Variants in BLTP2 observed in about 807,000 individuals in gnomAD.
BLTP2 encodes U937-associated antigen.
the BLTP2 span, among the ~76,000 whole-genome samples, chr17:28,632,730 C>A: frequency 6.6e-6 from 1 of 152,194 alleles, no homozygotes; most frequent in Non-Finnish European, 1.5e-5. Context: ...TTATAAGCTA[C>A]CAAACTTGTG....
At chr17:28,633,981 C>G in the BLTP2 span, 1 of 1,614,150 alleles carries the variant, frequency 6.2e-7, no homozygotes, top group African/African-American at 1.3e-5. Flanking sequence ...CAAGATCTGA[C>G]GCCGACGGGA....
the BLTP2 span, chr17:28,639,374 G>A: frequency 6.2e-7 from 1 of 1,614,024 alleles, no homozygotes; most frequent in East Asian, 2.2e-5. Context: ...GTGCTAGCAG[G>A]TGCAGCCAGT....
the BLTP2 span, chr17:28,643,679 A>C: frequency 6.2e-7 from 1 of 1,613,212 alleles, no homozygotes; most frequent in Non-Finnish European, 8.5e-7. Context: ...TGAGGGAGAA[A>C]GCTCTGTGTG....
chr17:28,634,399 T>C, the BLTP2 span: 1 of 519,890 alleles, frequency 1.9e-6, no homozygotes, highest in Non-Finnish European at 3.5e-6. Context: ...CCCATCCCAC[T>C]CCACCCACCC....
the BLTP2 span, among the ~76,000 whole-genome samples, chr17:28,636,584 T>C: frequency 6.6e-6 from 1 of 152,216 alleles, no homozygotes; most frequent in African/African-American, 2.4e-5. Context: ...AAGAAGTTGG[T>C]CATGAATTGG....
At chr17:28,644,215 G>A in the BLTP2 span, 2 of 1,607,630 alleles carry the variant, frequency 1.2e-6, no homozygotes, top group Non-Finnish European at 1.7e-6. Context: ...TTAATTCATA[G>A]GACCTTTTTC....
the BLTP2 span, chr17:28,624,127 A>G: frequency 1.4e-6 from 2 of 1,444,810 alleles, no homozygotes; most frequent in Non-Finnish European, 1.9e-6. Flanking sequence ...GAGAAGGCCA[A>G]ATTTTTTGGA....
chr17:28,617,083 G>A, the BLTP2 span: 7 of 1,189,240 alleles, frequency 5.9e-6, no homozygotes, highest in East Asian at 2.5e-5. Context: ...AGAATGAGAG[G>A]AGAAGCAATG....
chr17:28,638,346 C>T, the BLTP2 span: 17 of 1,613,934 alleles, frequency 1.1e-5, no homozygotes, highest in East Asian at 2.2e-5. Flanking sequence ...ACTGCCCACA[C>T]GCCAGCAGAG....
chr17:28,629,385 G>A, the BLTP2 span, among the ~76,000 whole-genome samples: 145 of 152,078 alleles, frequency 9.5e-4, no homozygotes, highest in Middle Eastern at 3.4e-3. Flanking sequence ...CTGCCTCCCA[G>A]GTTCAAGCGA....
At chr17:28,642,868 C>A in the BLTP2 span, 6 of 1,552,604 alleles carry the variant, frequency 3.9e-6, no homozygotes, top group Non-Finnish European at 5.3e-6. Flanking sequence ...CCAGTGCTTA[C>A]CTTTTCCCAT....
At chr17:28,615,849 C>T in the BLTP2 span, 1 of 1,598,180 alleles carries the variant, frequency 6.3e-7, no homozygotes, top group Non-Finnish European at 8.6e-7. Context: ...GGGAATACAT[C>T]AGCTGCCATT....
At chr17:28,628,313 C>T in the BLTP2 span, 2 of 1,614,168 alleles carry the variant, frequency 1.2e-6, no homozygotes, top group South Asian at 1.1e-5. Context: ...GGAGTGTTAA[C>T]ACGAGGTGGG....
At chr17:28,642,171 A>C in the BLTP2 span, 4 of 1,574,966 alleles carry the variant, frequency 2.5e-6, no homozygotes, top group South Asian at 1.1e-5. Context: ...TACTGACTTG[A>C]GGGAACCCCC....
At chr17:28,628,434 C>T in the BLTP2 span, 1 of 1,614,166 alleles carries the variant, frequency 6.2e-7, no homozygotes, top group Non-Finnish European at 8.5e-7. Context: ...GTACAGCTGC[C>T]TTTTTGTACC....
chr17:28,637,009 A>G, the BLTP2 span: 3 of 1,614,198 alleles, frequency 1.9e-6, no homozygotes, highest in African/African-American at 1.3e-5. Flanking sequence ...GAGAGCATGG[A>G]AAGGCTGAGC....
the BLTP2 span, among the ~76,000 whole-genome samples, chr17:28,627,758 G>A: frequency 2.6e-5 from 4 of 151,730 alleles, no homozygotes; most frequent in Non-Finnish European, 4.4e-5. Flanking sequence ...GGGTTCAAGC[G>A]AATCTCGTGC....
the BLTP2 span, chr17:28,636,970 G>C: frequency 6.2e-7 from 1 of 1,613,824 alleles, no homozygotes; most frequent in Non-Finnish European, 8.5e-7. Context: ...ATTACCTCCA[G>C]AGAGCGGATG....
At chr17:28,625,988 C>T in the BLTP2 span, among the ~76,000 whole-genome samples, 1 of 152,204 alleles carries the variant, frequency 6.6e-6, no homozygotes, top group Non-Finnish European at 1.5e-5. Context: ...TGGTCTCAAG[C>T]TCCTGACCTC....
Sources: allele counts gnomAD v4.1 joint callset (sites outside exome capture counted in the v4.1 genomes callset), GRCh38; gene constraint gnomAD v4.1.1; transcripts MANE v1.5; gene names NCBI Gene and HGNC (gene_info 2026-07-23, HGNC 2026-07-21).